The following DNAH9 variants were observed in gnomAD, a reference collection of about 807,000 sequenced individuals.
DNAH9 encodes the protein dynein axonemal heavy chain 9.
DNAH9 carries 345 observed loss-of-function variants against 471.6 expected under a neutral mutation model. The observed-to-expected ratio is 0.73, with a 90% CI of 0.67 to 0.80. DNAH9 has a LOEUF of 0.80. Among genes scored for constraint, DNAH9 ranks in the 30% least tolerant of loss-of-function variants. The probability of loss-of-function intolerance (pLI) is 0.00; values close to 1 mark genes in which losing one functional copy is unlikely to be tolerated. For missense variants in DNAH9, 5,407 were observed against 5,609.2 expected, an observed-to-expected ratio of 0.96 and a Z score of 1.15; for synonymous variants, 2,093 against 2,123.6, an observed-to-expected ratio of 0.99 and a Z score of 0.40.
At chr17:11,887,787 CTG>C (rs1972924898) in intron 57 of DNAH9, among the ~76,000 whole-genome samples, 1 of 151,814 alleles carries the variant, frequency 6.6e-6, no homozygotes, top group East Asian at 1.9e-4. Flanking sequence ...ACTTCAGAAT[CTG>C]TGGAGTGCTT....
chr17:11,953,047 G>A (rs1339175882), intron 67 of DNAH9, among the ~76,000 whole-genome samples: 42 of 152,110 alleles, frequency 2.8e-4, no homozygotes, highest in Admixed American at 2.8e-3. Context: ...TTCTTATAAG[G>A]CGAAAGTCCT....
chr17:11,731,103 G>T (rs2075260005), intron 28 of DNAH9, among the ~76,000 whole-genome samples: 1 of 114,910 alleles, frequency 8.7e-6, no homozygotes, highest in Admixed American at 9.0e-5. Context: ...GGGTGATGGT[G>T]GTCATGATGG....
chr17:11,656,021 C>T (rs1261136006), intron 14 of DNAH9, among the ~76,000 whole-genome samples: 1 of 152,124 alleles, frequency 6.6e-6, no homozygotes, highest in Non-Finnish European at 1.5e-5. Context: ...CTGCTATAAA[C>T]GGGCCTGTGC....
intron 49 of DNAH9, among the ~76,000 whole-genome samples, chr17:11,841,059 T>A (rs1971013602): frequency 6.6e-6 from 1 of 152,236 alleles, no homozygotes; most frequent in African/African-American, 2.4e-5. Flanking sequence ...TAGCTGTTCT[T>A]ACAGTTCTGA....
rs1379852694 is a variant in DNAH9, at chr17:11,807,808, A to G, written c.8497A>G (p.Ser2833Gly). 1 of 1,614,112 alleles carries G rather than the reference A, an allele frequency of 6.2e-7. No individual in the cohort carries two copies. The highest frequency in any genetic ancestry group is 8.5e-7 in the Non-Finnish European group (1 of 1,179,970). The change falls in exon 44 of 69, where the codon AGC (serine) becomes GGC (glycine). Residue 2833 changes from serine (S) to glycine (G), a missense_variant. By Grantham distance (56) the Ser-to-Gly change is moderately conservative. This residue lies in a region of DNAH9 where 4,636 missense variants were observed against 4,900.3 expected (regional missense o/e 0.95). Coordinates refer to ENST00000262442, the MANE Select transcript of DNAH9 (RefSeq NM_001372.4). Reference sequence around the variant, plus strand: ...TGGTGTAGGTGGGAGCGGCAAGCAGAGCCTGACAAGGCTGGCAGCTTTCAT... The same window carrying G: ...TGGTGTAGGTGGGAGCGGCAAGCAGGGCCTGACAAGGCTGGCAGCTTTCAT... The part of the protein sequence containing the change: ...LVGVGGSGKQ[S>G]LTRLAAFISS...
chr17:11,955,111 C>T (rs1361358704), intron 67 of DNAH9, among the ~76,000 whole-genome samples: 6 of 152,110 alleles, frequency 3.9e-5, no homozygotes, highest in Non-Finnish European at 7.3e-5. Flanking sequence ...GAGTTAGAGA[C>T]ATGTATTGTA....
rs147540151 is a variant in DNAH9 at position 11,656,216 on chromosome 17, G to A, written c.2595+3214G>A. Among the ~76,000 whole-genome samples the A allele has an allele frequency of 1.5e-4, 23 of 152,092 alleles. 1 individual carries two copies. In the East Asian group the frequency reaches 3.7e-3, roughly 24 times the overall value. On this transcript the variant is annotated intron_variant, in intron 14 of 68. Transcript: ENST00000262442. ...AGTGTTCCCTTTTCATCACATCCACGCCAACATCTATTTCTTTTATTTGTT... is the reference window on the plus strand; with the variant it reads ...AGTGTTCCCTTTTCATCACATCCACACCAACATCTATTTCTTTTATTTGTT...
chr17:11,783,903 A>G (rs1448906750), intron 40 of DNAH9, among the ~76,000 whole-genome samples, 155 bp downstream of exon 40: 1 of 152,164 alleles, frequency 6.6e-6, no homozygotes, highest in Non-Finnish European at 1.5e-5. Flanking sequence ...GGGAAAAGAG[A>G]AACTCCTAGA....
At chr17:11,646,429 A>T (rs1323094405) in intron 11 of DNAH9, among the ~76,000 whole-genome samples, 1 of 152,168 alleles carries the variant, frequency 6.6e-6, no homozygotes, top group Non-Finnish European at 1.5e-5. Flanking sequence ...AGCACATGGT[A>T]GGTGCTTGGT....
At chr17:11,939,807 C>CATGGATGGATGGATGGATGGATGG (rs57669174) in intron 66 of DNAH9, among the ~76,000 whole-genome samples, 9 of 147,172 alleles carry the variant, frequency 6.1e-5, no homozygotes, top group African/African-American at 1.8e-4. Flanking sequence ...ATGTTAGATA[C>CATGGATGGATGGATGGATGGATGG]ATGGATGGAT....
chr17:11,968,120 T>A (rs946880868), intron 68 of DNAH9, among the ~76,000 whole-genome samples: 15 of 152,186 alleles, frequency 9.9e-5, no homozygotes, highest in African/African-American at 3.6e-4. Flanking sequence ...TAGACAGTGA[T>A]AATGATCGTA....
At chr17:11,806,557 T>A (rs560115056) in intron 43 of DNAH9, among the ~76,000 whole-genome samples, 9 of 151,308 alleles carry the variant, frequency 5.9e-5, no homozygotes, top group Non-Finnish European at 1.2e-4. Context: ...AGTATATTGC[T>A]AAATGAAAAA....
At chr17:11,624,933 A>C (rs1040220051) in intron 6 of DNAH9, among the ~76,000 whole-genome samples, 2 of 152,228 alleles carry the variant, frequency 1.3e-5, no homozygotes, top group African/African-American at 4.8e-5. Flanking sequence ...ATCTTATTTG[A>C]CTTTATGACT....
intron 50 of DNAH9, among the ~76,000 whole-genome samples, chr17:11,861,835 G>A (rs1971860086): frequency 6.6e-6 from 1 of 151,328 alleles, no homozygotes; most frequent in Non-Finnish European, 1.5e-5. Flanking sequence ...TTTGAGAAGT[G>A]TCTGTTCATG....
intron 41 of DNAH9, among the ~76,000 whole-genome samples, chr17:11,786,717 T>G (rs1968882494): frequency 6.6e-6 from 1 of 152,074 alleles, no homozygotes; most frequent in Non-Finnish European, 1.5e-5. Context: ...TAATTCACGG[T>G]GACAAAAGGC....
rs143988805 is a variant in DNAH9 at position 11,969,369 on chromosome 17, A to G, written c.13303A>G (p.Ile4435Val). ...PPMPVMFIKA[I>V]PADKQDCRSV... ...TATGCCTGTGATGTTCATCAAGGCC[A>G]TTCCTGCAGATAAGCAGGACTGCCG... is the stretch of plus-strand genomic sequence containing the variant. Residue 4435 changes from isoleucine (I) to valine (V), a missense_variant, in exon 69 of 69, where the codon ATT (isoleucine) becomes GTT (valine). Around this residue, in one of 3 missense-constraint regions of DNAH9, gnomAD observed 4,636 missense variants for 4,900.3 expected, o/e 0.95. Coordinates refer to ENST00000262442, the MANE Select transcript of DNAH9 (RefSeq NM_001372.4). 42 of 1,614,036 alleles carry G rather than the reference A, an allele frequency of 2.6e-5. No homozygotes were observed. The highest frequency in any genetic ancestry group is 3.5e-5 in the Non-Finnish European group (41 of 1,180,030).
intron 39 of DNAH9, among the ~76,000 whole-genome samples, chr17:11,781,451 C>T (rs528165410): frequency 8.5e-5 from 13 of 152,340 alleles, no homozygotes; most frequent in South Asian, 2.1e-4. Context: ...GACTCATCTC[C>T]GAAGTTGCCT....
At chr17:11,663,999 A>G (rs1160036642) in intron 14 of DNAH9, among the ~76,000 whole-genome samples, 1 of 152,244 alleles carries the variant, frequency 6.6e-6, no homozygotes. Context: ...ATAACATGGC[A>G]ATACACCCTG....
intron 67 of DNAH9, among the ~76,000 whole-genome samples, chr17:11,954,702 G>A (rs184326290): frequency 4.9e-4 from 73 of 150,508 alleles, no homozygotes; most frequent in South Asian, 2.9e-3. Flanking sequence ...CCCAGGAGGC[G>A]GAGGTTGTGG....
Sources: allele counts gnomAD v4.1 joint callset (sites outside exome capture counted in the v4.1 genomes callset), GRCh38; gene constraint gnomAD v4.1.1; regional missense constraint gnomAD v4.1.1; transcripts MANE v1.5; gene names NCBI Gene and HGNC (gene_info 2026-07-23, HGNC 2026-07-21).